NAV3: variants seen among roughly 807,000 people sequenced by gnomAD.
NAV3 encodes the protein neuron navigator 3.
NAV3 carries 87 observed loss-of-function variants against 244.7 expected under a neutral mutation model. The ratio of observed to expected loss-of-function variants is 0.36; its 90% CI spans 0.30 to 0.42. The LOEUF is 0.42. Among genes scored for constraint, NAV3 ranks in the 20% least tolerant of loss-of-function variants. The pLI, the probability that NAV3 is intolerant of heterozygous loss-of-function variation, is 1.00. For missense variants in NAV3, 2,663 were observed against 2,893.3 expected, an observed-to-expected ratio of 0.92 and a Z score of 1.83; for synonymous variants, 1,126 against 1,042.2, an observed-to-expected ratio of 1.08 and a Z score of -1.55.
At chr12:78,168,695 G>A in intron 23 of NAV3, 60 bp from the exon 24 acceptor site, 2 of 1,086,934 alleles carry the variant, frequency 1.8e-6, no homozygotes, top group South Asian at 2.9e-5. Flanking sequence ...TCAACTATGA[G>A]CAGGGAGATT....
chr12:77,749,351 G>T (rs1176768633), intron 2 of NAV3, among the ~76,000 whole-genome samples: 1 of 152,132 alleles, frequency 6.6e-6, no homozygotes, highest in African/African-American at 2.4e-5. Context: ...CCTGTAATGG[G>T]GCTTAACATT....
intron 2 of NAV3, among the ~76,000 whole-genome samples, chr12:77,667,505 G>C (rs1024823650): frequency 6.6e-6 from 1 of 152,020 alleles, no homozygotes; most frequent in African/African-American, 2.4e-5. Context: ...CTGGGGACCT[G>C]TATGACTCAG....
intron 20 of NAV3, among the ~76,000 whole-genome samples, chr12:78,142,061 T>A (rs1358158018): frequency 1.3e-5 from 2 of 152,084 alleles, no homozygotes; most frequent in Non-Finnish European, 2.9e-5. Flanking sequence ...TGACTATAGT[T>A]AACAATAATT....
At chr12:77,687,055 C>T (rs777057472) in intron 2 of NAV3, among the ~76,000 whole-genome samples, 3 of 151,978 alleles carry the variant, frequency 2.0e-5, no homozygotes, top group Non-Finnish European at 4.4e-5. Flanking sequence ...TCTGTAATTT[C>T]CTGCAAGTAT....
intron 1 of NAV3, among the ~76,000 whole-genome samples, chr12:77,886,257 G>A (rs537303689): frequency 5.3e-5 from 8 of 152,194 alleles, no homozygotes; most frequent in South Asian, 4.1e-4. Context: ...TCATTTCTCC[G>A]CTCTAGTAAC....
intron 6 of NAV3, among the ~76,000 whole-genome samples, chr12:77,995,402 G>A (rs917678519): frequency 2.6e-5 from 4 of 152,130 alleles, no homozygotes; most frequent in East Asian, 1.9e-4. Flanking sequence ...ATGATAGTGC[G>A]TTATATACTG....
chr12:77,746,368 A>G (rs986048996), intron 2 of NAV3, among the ~76,000 whole-genome samples: 1 of 152,094 alleles, frequency 6.6e-6, no homozygotes, highest in African/African-American at 2.4e-5. Flanking sequence ...AGAAGTCAAC[A>G]CAGACAAGCT....
chr12:77,717,493 T>A (rs1876414346), intron 2 of NAV3, among the ~76,000 whole-genome samples: 1 of 152,160 alleles, frequency 6.6e-6, no homozygotes, highest in East Asian at 1.9e-4. Flanking sequence ...ATTGTGTGCA[T>A]ATACTACATT....
intron 2 of NAV3, among the ~76,000 whole-genome samples, chr12:77,787,369 A>G (rs904392110): frequency 1.3e-5 from 2 of 152,186 alleles, no homozygotes; most frequent in African/African-American, 4.8e-5. Flanking sequence ...TCATGCCGCT[A>G]ATAAAGACAT....
At chr12:77,965,989 A>C (rs1016684614) in intron 3 of NAV3, among the ~76,000 whole-genome samples, 4 of 152,208 alleles carry the variant, frequency 2.6e-5, no homozygotes, top group Non-Finnish European at 5.9e-5. Flanking sequence ...CTAATCTGCA[A>C]GAATGCCATT....
intron 12 of NAV3, among the ~76,000 whole-genome samples, chr12:78,069,405 A>C (rs1446127867): frequency 6.6e-6 from 1 of 152,038 alleles, no homozygotes; most frequent in African/African-American, 2.4e-5. Context: ...CTCATCCCAA[A>C]GACAACCAAG....
chr12:78,124,898 G>C (rs993175221), intron 16 of NAV3, among the ~76,000 whole-genome samples: 1 of 152,148 alleles, frequency 6.6e-6, no homozygotes, highest in Non-Finnish European at 1.5e-5. Flanking sequence ...ATATTAAGCT[G>C]TAAAAAGTAC....
chr12:78,149,031 C>A (rs1307669511), intron 22 of NAV3, 112 bp downstream of exon 22: 2 of 852,594 alleles, frequency 2.3e-6, no homozygotes, highest in Non-Finnish European at 3.7e-6. Context: ...CTTAGATTAC[C>A]AACTAGCAGG....
intron 2 of NAV3, among the ~76,000 whole-genome samples, chr12:77,785,974 G>T (rs1870886346): frequency 6.6e-6 from 1 of 152,154 alleles, no homozygotes; most frequent in Non-Finnish European, 1.5e-5. Flanking sequence ...TTATGGCTTA[G>T]CAGGAGCTGA....
At chr12:78,172,958 A>G (rs1413782025) in intron 24 of NAV3, among the ~76,000 whole-genome samples, 1 of 151,668 alleles carries the variant, frequency 6.6e-6, no homozygotes, top group African/African-American at 2.4e-5. Flanking sequence ...TTGAAGATGA[A>G]TAAGTCCAAT....
chr12:78,174,686 T>C (rs994808075), intron 24 of NAV3, among the ~76,000 whole-genome samples: 21 of 151,928 alleles, frequency 1.4e-4, no homozygotes, highest in African/African-American at 4.8e-4. Context: ...TGTCCTCTGT[T>C]TAACTCACAA....
At chr12:78,069,796 G>C (rs1466159454) in intron 12 of NAV3, among the ~76,000 whole-genome samples, 1 of 151,898 alleles carries the variant, frequency 6.6e-6, no homozygotes, top group Admixed American at 6.6e-5. Flanking sequence ...GTGTGTGTAT[G>C]TTAGTGTGGG....
chr12:78,199,152 G>A (rs1403370661), intron 36 of NAV3, 183 bp from the exon 37 acceptor site: 1 of 673,830 alleles, frequency 1.5e-6, no homozygotes, highest in Non-Finnish European at 2.7e-6. Flanking sequence ...CTACATTATA[G>A]CTCTCATCCT....
At chr12:77,956,556 A>G (rs889596676) in intron 3 of NAV3, among the ~76,000 whole-genome samples, 1 of 152,170 alleles carries the variant, frequency 6.6e-6, no homozygotes, top group Non-Finnish European at 1.5e-5. Context: ...TGGGCAACAC[A>G]GTGTTTTAAA....
Sources: allele counts gnomAD v4.1 joint callset (sites outside exome capture counted in the v4.1 genomes callset), GRCh38; gene constraint gnomAD v4.1.1; transcripts MANE v1.5; gene names NCBI Gene and HGNC (gene_info 2026-07-23, HGNC 2026-07-21).